The following PLEKHG1 variants were observed in gnomAD, a reference collection of about 807,000 sequenced individuals.
PLEKHG1 encodes the protein pleckstrin homology domain-containing family G member 1.
Under a neutral mutation model 100.8 loss-of-function variants are expected in PLEKHG1, and 44 were observed. The observed-to-expected ratio is 0.44, with a 90% confidence interval of 0.34 to 0.56. The LOEUF (loss-of-function observed/expected upper bound fraction) is 0.56, where lower values mean the gene tolerates loss of function less well. PLEKHG1 is among the 20% of genes least tolerant of loss of function. The pLI, the probability that PLEKHG1 is intolerant of heterozygous loss-of-function variation, is 0.01. For synonymous variants in PLEKHG1, 640 were observed against 662.5 expected, an observed-to-expected ratio of 0.97 and a Z score of 0.52; for missense variants, 1,545 against 1,720.9, an observed-to-expected ratio of 0.90 and a Z score of 1.81.
chr6:150,687,427 C>T (rs1182068822), intron 3 of PLEKHG1, among the ~76,000 whole-genome samples: 2 of 152,078 alleles, frequency 1.3e-5, no homozygotes, highest in African/African-American at 4.8e-5. Context: ...TTTTTATTTT[C>T]TGTTTTGTTA....
chr6:150,697,773 T>G (rs6940540), intron 3 of PLEKHG1, among the ~76,000 whole-genome samples: 66,041 of 152,052 alleles, frequency 0.43, 14,433 homozygotes, highest in African/African-American at 0.49. Context: ...CTGTGTTTTG[T>G]TTCCTAATAC....
At chr6:150,608,143 A>G (rs1562379206) in intron 1 of PLEKHG1, among the ~76,000 whole-genome samples, 1 of 152,232 alleles carries the variant, frequency 6.6e-6, no homozygotes, top group Non-Finnish European at 1.5e-5. Context: ...TCCCATCCCA[A>G]TGAAGCATTA....
At chr6:150,723,973 A>G (rs1781830492) in intron 1 of PLEKHG1, among the ~76,000 whole-genome samples, 1 of 152,238 alleles carries the variant, frequency 6.6e-6, no homozygotes, top group African/African-American at 2.4e-5. Context: ...TGTAACAGCC[A>G]GGGTTCCTTG....
intron 3 of PLEKHG1, among the ~76,000 whole-genome samples, chr6:150,692,095 G>A (rs950055327): frequency 1.4e-4 from 21 of 152,150 alleles, no homozygotes; most frequent in African/African-American, 5.1e-4. Flanking sequence ...ATGGGGTGAG[G>A]AATTTTTAAC....
chr6:150,752,548 C>T (rs1219876975), intron 2 of PLEKHG1, among the ~76,000 whole-genome samples: 1 of 152,170 alleles, frequency 6.6e-6, no homozygotes, highest in Non-Finnish European at 1.5e-5. Context: ...CAGGATTTGT[C>T]CTTTTGCAGC....
chr6:150,632,818 A>G (rs1777818545), intron 1 of PLEKHG1: 1 of 152,248 alleles, frequency 6.6e-6, no homozygotes, highest in Non-Finnish European at 1.5e-5. Context: ...GAAATGATAC[A>G]TGTCACTAAT....
chr6:150,803,189 A>G (rs1354149424), intron 6 of PLEKHG1, among the ~76,000 whole-genome samples: 1 of 152,260 alleles, frequency 6.6e-6, no homozygotes, highest in African/African-American at 2.4e-5. Context: ...TTGAGTACTC[A>G]GTAAAAGTAA....
chr6:150,821,120 A>G (rs1015921562), intron 12 of PLEKHG1, 75 bp from the exon 14 acceptor site: 1 of 1,169,756 alleles, frequency 8.5e-7, no homozygotes, highest in Non-Finnish European at 1.3e-6. Context: ...ATAGGCTCAT[A>G]ATCCTCTTAT....
At chr6:150,722,410 GTGGCACGATCT>G (rs1781743582) in intron 1 of PLEKHG1, among the ~76,000 whole-genome samples, 1 of 141,578 alleles carries the variant, frequency 7.1e-6, no homozygotes, top group African/African-American at 2.7e-5. Context: ...CTGGAGTGCA[GTGGCACGATCT>G]TGGCTCACTG....
At chr6:150,635,252 T>C (rs1451755354) in intron 1 of PLEKHG1, among the ~76,000 whole-genome samples, 1 of 152,226 alleles carries the variant, frequency 6.6e-6, no homozygotes, top group Non-Finnish European at 1.5e-5. Flanking sequence ...AATTTTGTTT[T>C]TGGAGTTGTG....
At chr6:150,789,545 C>A (rs771384223) in intron 4 of PLEKHG1, among the ~76,000 whole-genome samples, 1 of 152,136 alleles carries the variant, frequency 6.6e-6, no homozygotes, top group African/African-American at 2.4e-5. Context: ...GAAATTCAAT[C>A]GTGCAGAAGT....
chr6:150,807,490 CTTGTGAATATTTTCAT>C (rs1159453736), intron 7 of PLEKHG1, among the ~76,000 whole-genome samples: 1 of 152,120 alleles, frequency 6.6e-6, no homozygotes, highest in African/African-American at 2.4e-5. Flanking sequence ...TTAAACGGTG[CTTGTGAATATTTTCAT>C]TTTTCAAATA....
chr6:150,661,940 G>T (rs1428403813), intron 3 of PLEKHG1, among the ~76,000 whole-genome samples: 1 of 152,092 alleles, frequency 6.6e-6, no homozygotes, highest in Non-Finnish European at 1.5e-5. Context: ...GAGCTTAGGT[G>T]GAATGATTTG....
chr6:150,769,636 G>C (rs11961263), intron 3 of PLEKHG1, among the ~76,000 whole-genome samples: 6,219 of 150,856 alleles, frequency 0.041, 187 homozygotes, highest in African/African-American at 0.094. Flanking sequence ...ACATAAGTTC[G>C]TAGACTGGTT....
At chr6:150,702,393 C>T (rs1780826009) in intron 3 of PLEKHG1, among the ~76,000 whole-genome samples, 1 of 152,098 alleles carries the variant, frequency 6.6e-6, no homozygotes, top group South Asian at 2.1e-4. Context: ...TCGCTTGAAC[C>T]CCAGAGGCAG....
rs1776275575 is a variant in PLEKHG1 at position 150,600,171 on chromosome 6, G to C, written c.-204+154G>C. Among the ~76,000 whole-genome samples, 1 of 151,424 alleles carries C rather than the reference G, an allele frequency of 6.6e-6. No homozygotes were observed. Among genetic ancestry groups the C allele is most frequent in the Non-Finnish European group, 1.5e-5 (1 of 67,784 alleles). On this transcript the variant is annotated intron_variant, in intron 1 of 3. Transcript: ENST00000367326. This position sits in a 1 kb window ranked among gnomAD's most constrained non-coding sequence, Gnocchi z 6.2. ...GGCCCCCTGCGCGCCCCTCCGCAGT[G>C]GGGACGGAGGGCCTTGGGGGGCGCC...
intron 3 of PLEKHG1, among the ~76,000 whole-genome samples, chr6:150,715,763 C>T (rs1359388755): frequency 1.3e-5 from 2 of 149,396 alleles, no homozygotes; most frequent in Non-Finnish European, 3.0e-5. Context: ...GGATTACAGG[C>T]GTGAGCCACC....
rs542238327 is a variant in PLEKHG1, at chr6:150,797,922, TCCTTGGAGGAC to T, written c.629+2023_629+2033del. On this transcript the variant is annotated intron_variant, in intron 5 of 15. Coordinates refer to ENST00000358517, the Ensembl canonical transcript of PLEKHG1. ...CTCAACTTACTCTGGCAAATACTTT[TCCTTGGAGGAC>T]CCCTGCTTTCCCCAGTTTCCCCTAA... Among the ~76,000 whole-genome samples the T allele has an allele frequency of 2.7e-5, 4 of 149,812 alleles. No homozygotes were observed. The South Asian group carries it at 8.6e-4, about 32-fold the overall frequency.
At chr6:150,841,101 T>A (rs1208474201) in exon 16 of PLEKHG1, 2 of 683,904 alleles carry the variant, frequency 2.9e-6, no homozygotes, top group East Asian at 5.4e-5. Flanking sequence ...GCATCAACAG[T>A]ATATTTTCTC....
Sources: gnomAD v4.1 joint callset for allele counts (sites outside exome capture counted in the v4.1 genomes callset) on GRCh38, gnomAD v4.1.1 for gene constraint, Gnocchi (gnomAD v3.1) non-coding constraint, MANE v1.5 for transcripts, NCBI Gene and HGNC (gene_info 2026-07-23, HGNC 2026-07-21) for gene names.